STUM: variants seen among roughly 807,000 people sequenced by gnomAD.
STUM encodes the protein stum, mechanosensory transduction mediator homolog.
Under a neutral mutation model 15.3 loss-of-function variants are expected in STUM, and 8 were observed. The ratio of observed to expected loss-of-function variants is 0.52; its 90% CI spans 0.31 to 0.94. The LOEUF (loss-of-function observed/expected upper bound fraction) is 0.94. Among genes scored for constraint, STUM ranks in the 40% least tolerant of loss-of-function variants. The probability of loss-of-function intolerance (pLI) is 0.05; values close to 1 mark genes in which losing one functional copy is unlikely to be tolerated. For synonymous variants in STUM, 78 were observed against 88.7 expected (o/e 0.88, Z 0.68); for missense variants, 142 against 204.9 (o/e 0.69, Z 1.87).
rs1022781449 is a variant in STUM, at chr1:226,607,799, G to A, written c.*5759G>A. ...AATTTGCCAAAATGCCAACCATCCG[G>A]GCAGGTGTGGATGCCACAGTCCATC... is the stretch of plus-strand genomic sequence containing the variant. On this transcript the variant is annotated 3_prime_UTR_variant, in exon 4 of 4. Coordinates refer to ENST00000366788, the MANE Select transcript of STUM (RefSeq NM_001003665.4). 1 of 152,246 alleles carries A rather than the reference G, an allele frequency of 6.6e-6. No homozygotes were observed. Among genetic ancestry groups the A allele is most frequent in the Non-Finnish European group, 1.5e-5 (1 of 68,096 alleles). The allele number at this position is 152,246 out of a possible 1,614,324, so 9.4% of individuals were successfully genotyped here.
intron 1 of STUM, among the ~76,000 whole-genome samples, chr1:226,584,679 G>C (rs1571807666): frequency 6.6e-6 from 1 of 152,194 alleles, no homozygotes. Flanking sequence ...CATTCCAGGG[G>C]TGTTCCTGGA....
intron 1 of STUM, among the ~76,000 whole-genome samples, chr1:226,556,592 G>A (rs1667449977): frequency 6.6e-6 from 1 of 152,172 alleles, no homozygotes. Flanking sequence ...ATGCCACAAA[G>A]CATCATGAAA....
intron 1 of STUM, among the ~76,000 whole-genome samples, chr1:226,584,685 C>G (rs1322395523): frequency 6.6e-6 from 1 of 152,156 alleles, no homozygotes; most frequent in Non-Finnish European, 1.5e-5. Flanking sequence ...AGGGGTGTTC[C>G]TGGAAATCCA....
chr1:226,582,446 T>A (rs1459410652), intron 1 of STUM, among the ~76,000 whole-genome samples: 1 of 151,890 alleles, frequency 6.6e-6, no homozygotes, highest in Non-Finnish European at 1.5e-5. Context: ...GTACAAAAAA[T>A]TAGCTGGGTG....
chr1:226,591,475 GC>G (rs1384879567), intron 1 of STUM, among the ~76,000 whole-genome samples: 1 of 152,208 alleles, frequency 6.6e-6, no homozygotes, highest in Non-Finnish European at 1.5e-5. Flanking sequence ...GGCCAGCCCA[GC>G]TTTTCCTAAC....
intron 1 of STUM, among the ~76,000 whole-genome samples, chr1:226,568,228 A>C (rs1006290070): frequency 6.6e-6 from 1 of 152,204 alleles, no homozygotes; most frequent in South Asian, 2.1e-4. Context: ...AAGTGTGTTT[A>C]TTGAAAAAGA....
At chr1:226,576,157 TG>T (rs1455219789) in intron 1 of STUM, among the ~76,000 whole-genome samples, 1 of 152,248 alleles carries the variant, frequency 6.6e-6, no homozygotes, top group Non-Finnish European at 1.5e-5. Flanking sequence ...GGCCGCTCCC[TG>T]GCAGGTGGAG....
Position 226,548,932 on chromosome 1 carries a change from A to ACGGCGGCGGCGG in STUM, c.38_49dup (p.Ala13_Ala16dup). ...GGAGCCCTCGCACAAAGACGCCGAGACGGCGGCGGCGGCGGCGGCGGTGGC... is the reference window on the plus strand; with the variant it reads ...GGAGCCCTCGCACAAAGACGCCGAGACGGCGGCGGCGGCGGCGGCGGCGGCGGCGGCGGTGGC... On this transcript the variant is annotated inframe_insertion, in exon 1 of 4. Coordinates refer to ENST00000366788, the MANE Select transcript of STUM (RefSeq NM_001003665.4). 2 of 1,443,460 alleles carry ACGGCGGCGGCGG rather than the reference A, an allele frequency of 1.4e-6. No homozygotes were observed. Among genetic ancestry groups the ACGGCGGCGGCGG allele is most frequent in the South Asian group, 1.4e-5 (1 of 69,190 alleles). The allele number at this position is 1,443,460 out of a possible 1,614,324, so 89.4% of individuals were successfully genotyped here.
At chr1:226,558,062 C>T (rs1228936733) in intron 1 of STUM, among the ~76,000 whole-genome samples, 1 of 152,174 alleles carries the variant, frequency 6.6e-6, no homozygotes, top group East Asian at 1.9e-4. Flanking sequence ...AGCCTTTCCT[C>T]TAAGATCTGG....
Position 226,552,731 on chromosome 1 carries a change from G to T in STUM, c.202+3625G>T, listed in dbSNP as rs141412282. On this transcript the variant is annotated intron_variant, in intron 1 of 3. Transcript: ENST00000366788. This position sits in a 1 kb window ranked among gnomAD's most constrained non-coding sequence, Gnocchi z 4.7. ...TGCTCAATAAAAGCACCACAGGCTG[G>T]CTCTGCTTCTTCTCTCTCTCTTTCC... 1.3e-5 allele frequency among the ~76,000 whole-genome samples: 2 copies of T among 152,226 alleles called. No homozygotes were observed. The highest frequency in any genetic ancestry group is 3.9e-4 in the East Asian group (2 of 5,178).
intron 1 of STUM, among the ~76,000 whole-genome samples, chr1:226,575,786 C>T (rs959255396): frequency 1.3e-5 from 2 of 152,236 alleles, no homozygotes; most frequent in Non-Finnish European, 2.9e-5. Flanking sequence ...ACCAAAATAT[C>T]AAAGGCAACT....
At chr1:226,573,485 T>A (rs1024699713) in intron 1 of STUM, among the ~76,000 whole-genome samples, 4 of 152,168 alleles carry the variant, frequency 2.6e-5, no homozygotes, top group Non-Finnish European at 4.4e-5. Flanking sequence ...CTCAAAGATG[T>A]CCTCAAGGCT....
intron 2 of STUM, among the ~76,000 whole-genome samples, chr1:226,598,001 C>T (rs1275863744): frequency 1.3e-5 from 2 of 152,204 alleles, no homozygotes; most frequent in Non-Finnish European, 1.5e-5. Context: ...CTGCTCCTTC[C>T]TCCTGGGAGG....
chr1:226,583,559 C>T (rs184592677), intron 1 of STUM, among the ~76,000 whole-genome samples: 1 of 152,312 alleles, frequency 6.6e-6, no homozygotes, highest in African/African-American at 2.4e-5. Context: ...GTTTTTCCTC[C>T]TCAGTGCCTT....
At chr1:226,559,383 G>C (rs1667500757) in intron 1 of STUM, among the ~76,000 whole-genome samples, 1 of 152,174 alleles carries the variant, frequency 6.6e-6, no homozygotes, top group Non-Finnish European at 1.5e-5. Flanking sequence ...CTACCACGTC[G>C]AAGGCTCTGA....
chr1:226,595,631 G>T (rs775961202), intron 1 of STUM, among the ~76,000 whole-genome samples: 4 of 152,214 alleles, frequency 2.6e-5, no homozygotes, highest in Admixed American at 6.5e-5. Context: ...AATGGATGGG[G>T]AGAGCATCCT....
chr1:226,579,380 C>T (rs138207738), intron 1 of STUM, among the ~76,000 whole-genome samples: 4 of 152,282 alleles, frequency 2.6e-5, no homozygotes, highest in East Asian at 1.9e-4. Context: ...TGCTGGGCTG[C>T]GTGCTGGGAA....
intron 1 of STUM, among the ~76,000 whole-genome samples, chr1:226,550,774 C>T (rs1667362016): frequency 6.6e-6 from 1 of 152,154 alleles, no homozygotes. Flanking sequence ...GTGTACCCTC[C>T]CTGGTCTCCC....
At chr1:226,562,767 G>A (rs759660030) in intron 1 of STUM, among the ~76,000 whole-genome samples, 4 of 152,102 alleles carry the variant, frequency 2.6e-5, no homozygotes, top group East Asian at 1.9e-4. Context: ...TATACAAAAC[G>A]TAATCTTGAA....
Sources: allele counts gnomAD v4.1 joint callset (sites outside exome capture counted in the v4.1 genomes callset), GRCh38; gene constraint gnomAD v4.1.1; non-coding constraint Gnocchi (gnomAD v3.1); transcripts MANE v1.5; gene names NCBI Gene and HGNC (gene_info 2026-07-23, HGNC 2026-07-21).